The following CRYBG2 variants were observed in gnomAD, a reference collection of about 807,000 sequenced individuals.
CRYBG2 encodes the protein crystallin beta-gamma domain containing 2.
CRYBG2 carries 106 observed loss-of-function variants against 153.4 expected under a neutral mutation model. The observed-to-expected ratio is 0.69, with a 90% CI of 0.59 to 0.81. The LOEUF (loss-of-function observed/expected upper bound fraction) is 0.81, where lower values mean the gene tolerates loss of function less well. CRYBG2 is among the 30% of genes least tolerant of loss of function. CRYBG2 has a pLI of 0.00. For missense variants in CRYBG2, 1,996 were observed against 2,112.0 expected (o/e 0.95, Z 1.08); for synonymous variants, 851 against 877.8 (o/e 0.97, Z 0.54).
intron 1 of CRYBG2, among the ~76,000 whole-genome samples, chr1:26,350,531 C>T (rs1016741575): frequency 2.0e-5 from 3 of 152,144 alleles, no homozygotes; most frequent in Non-Finnish European, 4.4e-5. Context: ...TTTAAATGCT[C>T]AGAGAGGTTA....
At chr1:26,330,281 A>AG (rs2073983563) in intron 15 of CRYBG2, among the ~76,000 whole-genome samples, 2 of 152,080 alleles carry the variant, frequency 1.3e-5, no homozygotes, top group South Asian at 4.1e-4. Context: ...CAGGCTGGAG[A>AG]GGGTAAATCG....
chr1:26,337,478 C>A (rs2074076197), intron 9 of CRYBG2, 60 bp downstream of exon 9: 3 of 1,603,286 alleles, frequency 1.9e-6, no homozygotes, highest in Non-Finnish European at 2.6e-6. Flanking sequence ...AGGTCACTCC[C>A]CACTCCCAAG....
rs775242782 is a variant in CRYBG2, at chr1:26,345,519, C to G, written c.1139G>C (p.Gly380Ala). Residue 380 changes from glycine (G) to alanine (A), a missense_variant, in exon 2 of 20, where the codon GGG (glycine) becomes GCG (alanine). Coordinates refer to ENST00000308182, the MANE Select transcript of CRYBG2 (RefSeq NM_001039775.4). ...AKQPVVPTHP[G>A]ARLTPLVLPP... ...CAGAACAAGGGGAGTGAGCCGGGCC[C>G]CGGGGTGAGTGGGCACCACAGGCTG... is the stretch of plus-strand genomic sequence containing the variant. The G allele has an allele frequency of 6.3e-7, 1 of 1,597,234 alleles. No individual in the cohort carries two copies. The highest frequency in any genetic ancestry group is 1.3e-5 in the African/African-American group (1 of 74,496).
chr1:26,335,145 G>C (rs1009126345), intron 14 of CRYBG2, among the ~76,000 whole-genome samples: 5 of 150,972 alleles, frequency 3.3e-5, no homozygotes, highest in Non-Finnish European at 5.9e-5. Flanking sequence ...TGTACAAAAT[G>C]ATCCTGGAGC....
chr1:26,329,951 A>G (rs1278109157), intron 15 of CRYBG2, among the ~76,000 whole-genome samples: 1 of 151,740 alleles, frequency 6.6e-6, no homozygotes, highest in Non-Finnish European at 1.5e-5. Context: ...TGGCCAGGCT[A>G]GTCTCAAACT....
At position 26,337,390 on chromosome 1, in the gene CRYBG2, C is replaced by G. The variant is rs770308088; in HGVS notation, c.3645-11G>C. 4 of 1,612,332 alleles carry G rather than the reference C, an allele frequency of 2.5e-6. No individual in the cohort carries two copies. The African/African-American group carries it at 4.0e-5, about 16-fold the overall frequency. On this transcript the variant is annotated splice_polypyrimidine_tract_variant and intron_variant, in intron 9 of 19. Coordinates refer to ENST00000308182, the MANE Select transcript of CRYBG2 (RefSeq NM_001039775.4). ...TCGTAGCCCACCCAGCTGGGAAAAG[C>G]AGGAGGACAGACAGGCAGGTTCAGT...
intron 4 of CRYBG2, 46 bp from the exon 5 acceptor site, chr1:26,342,929 G>T (rs772315967): frequency 6.2e-7 from 1 of 1,608,894 alleles, no homozygotes; most frequent in East Asian, 2.2e-5. Flanking sequence ...AGGAGGATGT[G>T]CCCAGGGCTG....
chr1:26,343,253 G>A lies in CRYBG2; in HGVS notation c.2954C>T (p.Pro985Leu), dbSNP rs1346989488. 5 of 1,549,224 alleles carry A rather than the reference G, an allele frequency of 3.2e-6. No homozygotes were observed. The highest frequency in any genetic ancestry group is 2.0e-5 in the Admixed American group (1 of 50,852). The change falls in exon 3 of 20, where the codon CCT (proline) becomes CTT (leucine). Residue 985 changes from proline to leucine, a missense_variant. Transcript: ENST00000308182. This position sits in a 1 kb window ranked among gnomAD's most constrained non-coding sequence, Gnocchi z 4.1. ...TTGCCCCCACAACCCTACCTTTCCA[G>A]GCCTGGTGTTCAGCTTGCCCTGGGT... ...LKTQGKLNTR[P>L]GKVIFFSESG... is the part of the protein sequence containing the mutation.
In CRYBG2 at chr1:26,345,475, C is replaced by T. The variant is rs559291295; in HGVS notation, c.1183G>A (p.Gly395Arg). 1.9e-4 allele frequency: 310 copies of T among 1,592,530 alleles called. 4 individuals carry two copies. In the South Asian group the frequency reaches 3.2e-3, roughly 16 times the overall value. Residue 395 changes from glycine (G) to arginine (R), a missense_variant, in exon 2 of 20, where the codon GGG becomes AGG. Transcript: ENST00000308182. The stretch of plus-strand genomic sequence containing the variant: ...GTGGCAGCAGGGGGGTCCACGGGCC[C>T]GTCCTTTTTTTTAGGGGGCAGAACA... ...PLVLPPKKKD[G>R]PVDPPAATVL...
At chr1:26,322,476 G>A (rs376517402) in intron 18 of CRYBG2, among the ~76,000 whole-genome samples, 153 bp from the exon 19 acceptor site, 9 of 152,266 alleles carry the variant, frequency 5.9e-5, no homozygotes, top group African/African-American at 1.7e-4. Context: ...GTTTCCTCTC[G>A]GGGATGGGAA....
chr1:26,324,051 G>T, intron 18 of CRYBG2, 101 bp downstream of exon 18: 1 of 1,311,182 alleles, frequency 7.6e-7, no homozygotes. Flanking sequence ...CCTGGCTTCT[G>T]TGTGCATCCC....
At chr1:26,341,265 C>A (rs1263996713) in intron 5 of CRYBG2, among the ~76,000 whole-genome samples, 1 of 151,542 alleles carries the variant, frequency 6.6e-6, no homozygotes, top group South Asian at 2.1e-4. Flanking sequence ...CGCGTGAACC[C>A]AGGAGGCGGA....
In CRYBG2 at chr1:26,336,755, G is replaced by C. The variant is rs779190325; in HGVS notation, c.3912-23C>G. 2 of 1,577,286 alleles carry C rather than the reference G, an allele frequency of 1.3e-6. No homozygotes were observed. The highest frequency in any genetic ancestry group is 1.7e-6 in the Non-Finnish European group (2 of 1,161,400). On this transcript the variant is annotated intron_variant, in intron 11 of 19. Coordinates refer to ENST00000308182, the MANE Select transcript of CRYBG2 (RefSeq NM_001039775.4). The surrounding 1 kb of genome is among the most constrained non-coding windows in gnomAD (Gnocchi z 4.9). ...CACCTGCAGGAAGGGCGGGGCGCGAGTCAGCTGGGACGGAGCCTGCACCTC... is the reference window on the plus strand; with the variant it reads ...CACCTGCAGGAAGGGCGGGGCGCGACTCAGCTGGGACGGAGCCTGCACCTC...
At chr1:26,339,149 G>C in intron 6 of CRYBG2, 141 bp downstream of exon 6, 1 of 1,051,124 alleles carries the variant, frequency 9.5e-7, no homozygotes. Flanking sequence ...ACACTGAATT[G>C]CTATTGTCTG....
intron 18 of CRYBG2, among the ~76,000 whole-genome samples, chr1:26,323,627 G>GT (rs933561792): frequency 6.9e-4 from 104 of 150,304 alleles, no homozygotes; most frequent in African/African-American, 1.3e-3. Context: ...TTTTATTTTT[G>GT]TTTTTTTTTG....
At chr1:26,322,939 C>A (rs2073876929) in intron 18 of CRYBG2, among the ~76,000 whole-genome samples, 1 of 152,184 alleles carries the variant, frequency 6.6e-6, no homozygotes. Context: ...CAGAAAAATC[C>A]CAGGCATGTT....
At chr1:26,348,206 C>A (rs2074248260) in intron 1 of CRYBG2, among the ~76,000 whole-genome samples, 1 of 152,162 alleles carries the variant, frequency 6.6e-6, no homozygotes, top group African/African-American at 2.4e-5. Flanking sequence ...GGCATGAGCA[C>A]CTGCTGATGG....
Position 26,345,848 on chromosome 1 carries a change from C to T in CRYBG2, c.810G>A (p.Val270=), listed in dbSNP as rs773606023. ...CAGGCAGCTGCCTCAAGGCTGCCCC[C>T]ACTGTGCTGCCCAGACCTGTGCTCC... is the stretch of plus-strand genomic sequence containing the variant. ...GPRSTGLGST[V]GAALRQLPET... The change falls in exon 2 of 20, where the codon GTG becomes GTA. Residue 270 remains valine, a synonymous_variant. Coordinates refer to ENST00000308182, the MANE Select transcript of CRYBG2 (RefSeq NM_001039775.4). 9 of 1,596,836 alleles carry T rather than the reference C, an allele frequency of 5.6e-6. No homozygotes were observed. The highest frequency in any genetic ancestry group is 2.2e-5 in the South Asian group (2 of 90,802).
rs183460510 is a variant in CRYBG2 at position 26,328,587 on chromosome 1, G to A, written c.4454+147C>T. On this transcript the variant is annotated intron_variant, in intron 16 of 19. Transcript: ENST00000308182. ...CCCTGAGAGCCAGTGACCCTTCTCA[G>A]TCCGCACTTCTCCCTCCTTCCTGGC... 35 of 1,289,798 alleles carry A rather than the reference G, an allele frequency of 2.7e-5. No individual in the cohort carries two copies. The Admixed American group carries it at 6.2e-4, about 23-fold the overall frequency. The allele number at this position is 1,289,798 out of a possible 1,614,324, so 79.9% of individuals were successfully genotyped here.
Sources: gnomAD v4.1 joint callset for allele counts (sites outside exome capture counted in the v4.1 genomes callset) on GRCh38, gnomAD v4.1.1 for gene constraint, Gnocchi (gnomAD v3.1) non-coding constraint, MANE v1.5 for transcripts, NCBI Gene and HGNC (gene_info 2026-07-23, HGNC 2026-07-21) for gene names.